The following CEP63 variants were observed in gnomAD, a reference collection of about 807,000 sequenced individuals.
The protein encoded by CEP63 is centrosomal protein 63.
Under a neutral mutation model 89.1 loss-of-function variants are expected in CEP63, and 84 were observed. That is an observed-to-expected ratio of 0.94 (90% CI 0.79 to 1.13). CEP63 has a LOEUF of 1.13. Among genes scored for constraint, CEP63 ranks in the 50% most tolerant of loss-of-function variants. The pLI is 0.00. For missense variants in CEP63, 838 were observed against 813.3 expected, an observed-to-expected ratio of 1.03 and a Z score of -0.37; for synonymous variants, 267 against 272.5, an observed-to-expected ratio of 0.98 and a Z score of 0.20.
the CEP63 span, chr3:134,619,191 T>C: frequency 6.2e-7 from 1 of 1,613,890 alleles, no homozygotes; most frequent in South Asian, 1.1e-5. Context: ...TCACAGTTGG[T>C]CTTCTGGGTC....
intron 1 of CEP63, chr3:134,488,228 A>G (rs1411415433): frequency 6.6e-6 from 1 of 152,280 alleles, no homozygotes; most frequent in Non-Finnish European, 1.5e-5. Context: ...CACACTTATA[A>G]GAATCTGACT....
chr3:134,595,803 G>C, the CEP63 span, among the ~76,000 whole-genome samples: 3 of 151,900 alleles, frequency 2.0e-5, no homozygotes, highest in African/African-American at 7.3e-5. Context: ...CATCCTGCAG[G>C]GGCTCCTCTT....
At chr3:134,657,928 GT>G in the CEP63 span, among the ~76,000 whole-genome samples, 1 of 151,906 alleles carries the variant, frequency 6.6e-6, no homozygotes, top group South Asian at 2.1e-4. Flanking sequence ...ATGAAGTCTC[GT>G]TCTGTCACCC....
In CEP63 at chr3:134,489,428, T is replaced by G. The variant is rs1936885505; in HGVS notation, c.-26+3226T>G. Reference sequence around the variant, plus strand: ...TAATGCAGTATACTTCCTATTTCATTAATTATCAGGGAAGCAGTGTCTGAG... The same window carrying G: ...TAATGCAGTATACTTCCTATTTCATGAATTATCAGGGAAGCAGTGTCTGAG... On this transcript the variant is annotated intron_variant, in intron 1 of 14. Coordinates refer to ENST00000675561, the MANE Select transcript of CEP63 (RefSeq NM_001353108.3). 2.6e-5 allele frequency among the ~76,000 whole-genome samples: 4 copies of G among 152,272 alleles called. No individual in the cohort carries two copies. In the South Asian group the frequency reaches 8.3e-4, roughly 32 times the overall value.
chr3:134,614,960 A>G, the CEP63 span, among the ~76,000 whole-genome samples: 1 of 152,176 alleles, frequency 6.6e-6, no homozygotes, highest in Non-Finnish European at 1.5e-5. Flanking sequence ...AGGAGAGACT[A>G]TGAAGTATGC....
chr3:134,607,210 A>G, the CEP63 span: 1 of 985,482 alleles, frequency 1.0e-6, no homozygotes, highest in Non-Finnish European at 1.2e-6. Context: ...TGGATTCTCA[A>G]ATTGAGCAAC....
chr3:134,491,122 A>T (rs1012889080), intron 1 of CEP63, among the ~76,000 whole-genome samples: 2 of 152,200 alleles, frequency 1.3e-5, no homozygotes. Flanking sequence ...GTAAATGCAT[A>T]TATCAGTTGT....
rs1400853318 is a variant in CEP63 at position 134,564,791 on chromosome 3, C to G, written c.*3256C>G. On this transcript the variant is annotated 3_prime_UTR_variant, in exon 15 of 15. Transcript: ENST00000675561. Reference sequence around the variant, plus strand: ...AAAATCTGTAGACTGCAGCCCGTTTCTGAAACGTTTGTACTACGTGTTGAC... The same window carrying G: ...AAAATCTGTAGACTGCAGCCCGTTTGTGAAACGTTTGTACTACGTGTTGAC... The G allele has an allele frequency of 3.0e-6, 3 of 985,310 alleles. No individual in the cohort carries two copies. The highest frequency in any genetic ancestry group is 3.6e-6 in the Non-Finnish European group (3 of 829,932). The allele number at this position is 985,310 out of a possible 1,614,324, so 61.0% of individuals were successfully genotyped here. A position where few individuals can be genotyped will look rare whatever the true frequency, so the allele number is the denominator to read the frequency against.
At chr3:134,703,993 A>G in the CEP63 span, among the ~76,000 whole-genome samples, 4 of 151,968 alleles carry the variant, frequency 2.6e-5, no homozygotes, top group African/African-American at 9.7e-5. Flanking sequence ...TTACCTTAGC[A>G]CTCATGGCTC....
At chr3:134,734,467 T>G in the CEP63 span, among the ~76,000 whole-genome samples, 1 of 152,102 alleles carries the variant, frequency 6.6e-6, no homozygotes, top group Admixed American at 6.6e-5. Flanking sequence ...TAGATAACAT[T>G]TAGGCAAGCA....
intron 6 of CEP63, among the ~76,000 whole-genome samples, chr3:134,543,033 A>G (rs949566576): frequency 2.0e-5 from 3 of 152,188 alleles, no homozygotes; most frequent in Admixed American, 1.3e-4. Context: ...AAGTTTTTAA[A>G]TAATTATTTC....
the CEP63 span, chr3:134,600,706 T>C: frequency 1.3e-5 from 2 of 152,256 alleles, no homozygotes; most frequent in African/African-American, 4.8e-5. Flanking sequence ...GGTATAGTAA[T>C]GAGTGTAGTC....
the CEP63 span, among the ~76,000 whole-genome samples, chr3:134,739,119 C>A: frequency 1.6e-4 from 25 of 152,086 alleles, no homozygotes; most frequent in Non-Finnish European, 3.2e-4. Flanking sequence ...ACCATGTGGG[C>A]CGGAGATTCT....
At chr3:134,747,477 G>A in the CEP63 span, among the ~76,000 whole-genome samples, 3 of 152,194 alleles carry the variant, frequency 2.0e-5, no homozygotes, top group Non-Finnish European at 4.4e-5. Flanking sequence ...CTATGGGAGT[G>A]TATGTTCACA....
the CEP63 span, among the ~76,000 whole-genome samples, chr3:134,596,856 T>C: frequency 1.3e-5 from 2 of 152,302 alleles, no homozygotes; most frequent in East Asian, 1.9e-4. Context: ...ACATGGAAGA[T>C]AGGCAGATAA....
At chr3:134,543,693 G>A (rs1952543888) in intron 6 of CEP63, among the ~76,000 whole-genome samples, 1 of 152,202 alleles carries the variant, frequency 6.6e-6, no homozygotes, top group Non-Finnish European at 1.5e-5. Context: ...TGGGTTTCTA[G>A]TTGTGTTTTG....
At chr3:134,752,507 G>T in the CEP63 span, among the ~76,000 whole-genome samples, 1 of 152,230 alleles carries the variant, frequency 6.6e-6, no homozygotes, top group African/African-American at 2.4e-5. Flanking sequence ...ATTTCGCAGC[G>T]GTGGACAGCA....
the CEP63 span, among the ~76,000 whole-genome samples, chr3:134,664,099 G>A: frequency 2.6e-5 from 4 of 152,282 alleles, no homozygotes; most frequent in East Asian, 7.7e-4. Context: ...GGCTGCTCTG[G>A]CCTCCTCCGG....
At chr3:134,691,903 G>T in the CEP63 span, among the ~76,000 whole-genome samples, 1 of 151,926 alleles carries the variant, frequency 6.6e-6, no homozygotes, top group Non-Finnish European at 1.5e-5. Context: ...GTAGAGATGA[G>T]GTTTCACCAT....
Sources: allele counts gnomAD v4.1 joint callset (sites outside exome capture counted in the v4.1 genomes callset), GRCh38; gene constraint gnomAD v4.1.1; transcripts MANE v1.5; gene names NCBI Gene and HGNC (gene_info 2026-07-23, HGNC 2026-07-21).